KIAA1217: variants seen among roughly 807,000 people sequenced by gnomAD.
KIAA1217 encodes the protein sickle tail protein homolog.
Under a neutral mutation model 163.9 loss-of-function variants are expected in KIAA1217, and 88 were observed. The observed-to-expected ratio is 0.54, with a 90% CI of 0.45 to 0.64. KIAA1217 has a LOEUF of 0.64. KIAA1217 is among the 30% of genes least tolerant of loss of function. The pLI, the probability that KIAA1217 is intolerant of heterozygous loss-of-function variation, is 0.00. For synonymous variants in KIAA1217, 903 were observed against 923.1 expected, an observed-to-expected ratio of 0.98 and a Z score of 0.39; for missense variants, 2,372 against 2,475.0, an observed-to-expected ratio of 0.96 and a Z score of 0.88.
intron 17 of KIAA1217, among the ~76,000 whole-genome samples, chr10:24,538,761 G>A (rs1825629045): frequency 1.7e-5 from 2 of 115,946 alleles, no homozygotes; most frequent in South Asian, 5.4e-4. Flanking sequence ...GTGAGACCGA[G>A]TCTCACTCTG....
At chr10:23,820,739 G>C (rs1021860076) in intron 1 of KIAA1217, among the ~76,000 whole-genome samples, 1 of 152,180 alleles carries the variant, frequency 6.6e-6, no homozygotes, top group Non-Finnish European at 1.5e-5. Context: ...CTTTCCTGCT[G>C]TTCCTTTGCT....
Position 24,456,031 on chromosome 10 carries a change from G to A in KIAA1217, c.847-17197G>A, listed in dbSNP as rs752090393. Among the ~76,000 whole-genome samples the A allele has an allele frequency of 6.6e-5, 10 of 152,188 alleles. No individual in the cohort carries two copies. In the East Asian group the frequency reaches 9.7e-4, roughly 15 times the overall value. ...CCCCCAAGTTGCTGGGACTAAAGGC[G>A]TATGCCACCCCACCAGGCTAATTTT... On this transcript the variant is annotated intron_variant, in intron 5 of 20. Transcript: ENST00000376454.
chr10:24,415,164 G>A (rs2058135347), intron 3 of KIAA1217, among the ~76,000 whole-genome samples: 1 of 148,952 alleles, frequency 6.7e-6, no homozygotes, highest in Non-Finnish European at 1.5e-5. Flanking sequence ...ACCCAGGTTG[G>A]AGCACAGTGG....
intron 2 of KIAA1217, among the ~76,000 whole-genome samples, chr10:24,067,310 G>A (rs150493123): frequency 6.6e-6 from 1 of 152,158 alleles, no homozygotes; most frequent in African/African-American, 2.4e-5. Flanking sequence ...GTGACGTACT[G>A]ATGGGTTTTT....
At chr10:24,508,917 G>A (rs1034680024) in intron 9 of KIAA1217, among the ~76,000 whole-genome samples, 1 of 152,108 alleles carries the variant, frequency 6.6e-6, no homozygotes, top group African/African-American at 2.4e-5. Context: ...GATTGTAAAA[G>A]GTCTCAAAGG....
intron 1 of KIAA1217, among the ~76,000 whole-genome samples, chr10:23,841,926 G>A (rs1413535905): frequency 6.6e-6 from 1 of 150,908 alleles, no homozygotes; most frequent in East Asian, 2.0e-4. Flanking sequence ...GGAGTTCACT[G>A]GCACCATCTC....
intron 2 of KIAA1217, among the ~76,000 whole-genome samples, chr10:24,364,245 C>G (rs1169990657): frequency 6.6e-6 from 1 of 152,190 alleles, no homozygotes; most frequent in Non-Finnish European, 1.5e-5. Context: ...TCCCAAAGTG[C>G]TGGGATTACA....
At chr10:24,042,903 C>T (rs74123613) in intron 2 of KIAA1217, among the ~76,000 whole-genome samples, 178 of 152,244 alleles carry the variant, frequency 1.2e-3, no homozygotes, top group African/African-American at 3.8e-3. Context: ...GGAAGTGTTG[C>T]ATGCTTAATT....
intron 5 of KIAA1217, among the ~76,000 whole-genome samples, chr10:24,443,756 A>C (rs2060691513): frequency 6.6e-6 from 1 of 152,208 alleles, no homozygotes. Flanking sequence ...TAATTCTGTT[A>C]GGCATAATAA....
At chr10:23,855,391 G>A (rs1368591475) in intron 1 of KIAA1217, among the ~76,000 whole-genome samples, 1 of 152,184 alleles carries the variant, frequency 6.6e-6, no homozygotes, top group Non-Finnish European at 1.5e-5. Flanking sequence ...TCCGCTGTTA[G>A]TCTGATGGGA....
intron 1 of KIAA1217, among the ~76,000 whole-genome samples, chr10:23,951,892 T>G (rs1022378859): frequency 1.3e-5 from 2 of 152,220 alleles, no homozygotes; most frequent in African/African-American, 4.8e-5. Flanking sequence ...AACTTTTCAT[T>G]GTTTTTCTAT....
intron 1 of KIAA1217, among the ~76,000 whole-genome samples, chr10:23,890,814 A>C (rs1164359329): frequency 6.6e-6 from 1 of 152,004 alleles, no homozygotes; most frequent in Non-Finnish European, 1.5e-5. Flanking sequence ...TTTTTTGCCT[A>C]CTTGATCTGC....
upstream of KIAA1217, among the ~76,000 whole-genome samples, chr10:24,205,867 T>C (rs766242976): frequency 8.5e-5 from 13 of 152,194 alleles, no homozygotes; most frequent in Non-Finnish European, 1.6e-4. Context: ...TGAGAAATCA[T>C]ATGCAATTGT....
intron 3 of KIAA1217, among the ~76,000 whole-genome samples, chr10:24,406,419 A>ACACACACACACACC (rs779034156): frequency 1.3e-5 from 2 of 151,594 alleles, no homozygotes; most frequent in African/African-American, 4.8e-5. Context: ...ACACACACAC[A>ACACACACACACACC]CCATACAGGA....
At chr10:24,391,708 C>A (rs2055014545) in intron 3 of KIAA1217, among the ~76,000 whole-genome samples, 1 of 152,090 alleles carries the variant, frequency 6.6e-6, no homozygotes, top group African/African-American at 2.4e-5. Context: ...GAGTATAAGT[C>A]ACCTTTTTAT....
At chr10:24,481,019 G>A (rs928247332) in intron 6 of KIAA1217, among the ~76,000 whole-genome samples, 5 of 152,146 alleles carry the variant, frequency 3.3e-5, no homozygotes, top group African/African-American at 1.2e-4. Flanking sequence ...CCAGGTATGC[G>A]TGAAATCATT....
chr10:23,936,422 C>G (rs1218854419), intron 1 of KIAA1217, among the ~76,000 whole-genome samples: 1 of 152,174 alleles, frequency 6.6e-6, no homozygotes. Context: ...GTGAATGTGA[C>G]CTCATTTGCG....
chr10:24,099,709 A>G (rs909912202), intron 2 of KIAA1217, among the ~76,000 whole-genome samples: 39 of 149,952 alleles, frequency 2.6e-4, no homozygotes, highest in African/African-American at 9.6e-4. Flanking sequence ...CATTTACATT[A>G]GGTATATCTC....
In KIAA1217 at chr10:23,793,690, C is replaced by T. The variant is rs77731365; in HGVS notation, c.-321+98456C>T. On this transcript the variant is annotated intron_variant, in intron 1 of 18. Coordinates refer to the KIAA1217 transcript ENST00000376462. ...CATATAAAATGTCCACACAGAAGTT[C>T]GCCTGCTGTCTGGACCTGGGTTCTT... Among the ~76,000 whole-genome samples, 1,075 of 152,286 alleles carry T rather than the reference C, an allele frequency of 7.1e-3. 19 individuals are homozygous for T. The highest frequency in any genetic ancestry group is 0.025 in the African/African-American group (1,032 of 41,556).
Sources: allele counts gnomAD v4.1 joint callset (sites outside exome capture counted in the v4.1 genomes callset), GRCh38; gene constraint gnomAD v4.1.1; transcripts MANE v1.5; gene names NCBI Gene and HGNC (gene_info 2026-07-23, HGNC 2026-07-21).